Variants in IQSEC1 observed in about 807,000 individuals in gnomAD.
IQSEC1 encodes IQ motif and SEC7 domain-containing protein 1.
Under a neutral mutation model 91.0 loss-of-function variants are expected in IQSEC1, and 31 were observed. That is an observed-to-expected ratio of 0.34 (90% CI 0.26 to 0.46). The LOEUF (loss-of-function observed/expected upper bound fraction) is 0.46, where lower values mean the gene tolerates loss of function less well. Ranked by LOEUF, IQSEC1 falls within the 20% of genes least tolerant of loss-of-function variation. The probability of loss-of-function intolerance (pLI) is 1.00; values close to 1 mark genes in which losing one functional copy is unlikely to be tolerated. For missense variants in IQSEC1, 1,388 were observed against 1,575.6 expected (o/e 0.88, Z 2.02); for synonymous variants, 699 against 662.6 (o/e 1.05, Z -0.84).
intron 1 of IQSEC1, among the ~76,000 whole-genome samples, chr3:13,068,312 C>T (rs1011523344): frequency 1.7e-4 from 26 of 152,250 alleles, no homozygotes; most frequent in African/African-American, 5.8e-4. Flanking sequence ...CCAGCAACTA[C>T]CAGAAAAGTC....
At chr3:13,180,935 T>G (rs1693831250) in intron 1 of IQSEC1, among the ~76,000 whole-genome samples, 1 of 152,166 alleles carries the variant, frequency 6.6e-6, no homozygotes, top group South Asian at 2.1e-4. Context: ...GCTTCATTCT[T>G]GAAGTCAGTG....
intron 1 of IQSEC1, among the ~76,000 whole-genome samples, chr3:13,168,702 GCA>G (rs1214002312): frequency 6.6e-6 from 1 of 152,150 alleles, no homozygotes; most frequent in African/African-American, 2.4e-5. Flanking sequence ...CAGCTCTAGG[GCA>G]TTGCTGTTCC....
At chr3:12,920,396 A>G (rs765114516) in intron 6 of IQSEC1, 34 bp downstream of exon 6, 2 of 1,607,848 alleles carry the variant, frequency 1.2e-6, no homozygotes, top group South Asian at 2.2e-5. Flanking sequence ...GCTGGAGCAA[A>G]TCTGTGGCTG....
intron 8 of IQSEC1, among the ~76,000 whole-genome samples, chr3:12,914,715 A>G (rs1695904274): frequency 6.6e-6 from 1 of 152,110 alleles, no homozygotes; most frequent in Non-Finnish European, 1.5e-5. Context: ...AAGCTATGGC[A>G]GAGGACGGGT....
At chr3:13,130,341 C>CAAAAAAAAAAA (rs58162524) in intron 2 of IQSEC1, among the ~76,000 whole-genome samples, 2 of 61,868 alleles carry the variant, frequency 3.2e-5, no homozygotes, top group Non-Finnish European at 8.1e-5. Flanking sequence ...GAGACTCTGT[C>CAAAAAAAAAAA]AAAAAAAAAA....
At chr3:12,969,267 G>T (rs1440030136) in intron 1 of IQSEC1, among the ~76,000 whole-genome samples, 1 of 148,304 alleles carries the variant, frequency 6.7e-6, no homozygotes, top group Non-Finnish European at 1.5e-5. Context: ...AACAGGCAAG[G>T]TATCTGAGTA....
At chr3:13,030,393 C>T (rs1703800453) in intron 1 of IQSEC1, among the ~76,000 whole-genome samples, 1 of 152,268 alleles carries the variant, frequency 6.6e-6, no homozygotes, top group Non-Finnish European at 1.5e-5. Context: ...AGCCACCACG[C>T]TCAGCTTCGC....
At chr3:13,200,872 C>A (rs1694231481) in intron 1 of IQSEC1, among the ~76,000 whole-genome samples, 1 of 152,178 alleles carries the variant, frequency 6.6e-6, no homozygotes, top group Non-Finnish European at 1.5e-5. Flanking sequence ...ATGATAATTT[C>A]TTGGGACGAT....
At chr3:13,117,824 G>A (rs1460207564) in intron 2 of IQSEC1, among the ~76,000 whole-genome samples, 1 of 152,174 alleles carries the variant, frequency 6.6e-6, no homozygotes, top group South Asian at 2.1e-4. Context: ...GGCAGAGGTT[G>A]CAGTGAGCCA....
At chr3:12,918,733 G>A (rs1575900954) in intron 6 of IQSEC1, among the ~76,000 whole-genome samples, 3 of 152,122 alleles carry the variant, frequency 2.0e-5, no homozygotes, top group East Asian at 1.9e-4. Context: ...GAGGCAGGAG[G>A]ATCTCTTGAG....
At chr3:12,916,801 C>T (rs923441767) in intron 6 of IQSEC1, among the ~76,000 whole-genome samples, 1 of 152,242 alleles carries the variant, frequency 6.6e-6, no homozygotes. Context: ...GCACGACAGA[C>T]TACTTACTAC....
rs550254734 is a variant in IQSEC1, at chr3:12,899,646, A to T, written c.*1337T>A. The T allele has an allele frequency of 1.0e-6, 1 of 985,010 alleles. No homozygotes were observed. The highest frequency in any genetic ancestry group is 4.7e-5 in the South Asian group (1 of 21,284). The allele number at this position is 985,010 out of a possible 1,614,324, so 61.0% of individuals were successfully genotyped here. A position where few individuals can be genotyped will look rare whatever the true frequency, so the allele number is the denominator to read the frequency against. The stretch of plus-strand genomic sequence containing the variant: ...GTCACACGGGCCACGGTGAGGACAC[A>T]GGGGTTCTGCTAGCACATGGCTACA... On this transcript the variant is annotated 3_prime_UTR_variant, in exon 14 of 14. Transcript: ENST00000613206.
chr3:12,909,176 T>C lies in IQSEC1; in HGVS notation c.2578+97A>G, dbSNP rs1695319505. The C allele has an allele frequency of 7.7e-7, 1 of 1,294,202 alleles. No homozygotes were observed. The highest frequency in any genetic ancestry group is 1.1e-6 in the Non-Finnish European group (1 of 916,586). 80.2% of individuals were successfully genotyped at this position (1,294,202 alleles called of 1,614,324 possible). A position where few individuals can be genotyped will look rare whatever the true frequency, so the allele number is the denominator to read the frequency against. On this transcript the variant is annotated intron_variant, in intron 11 of 13. Transcript: ENST00000613206. This position sits in a 1 kb window ranked among gnomAD's most constrained non-coding sequence, Gnocchi z 4.9. ...GGCCAGAAAAGACTGGGGGACATCT[T>C]GTCTCTGTGAGCTCAGAAGTCACTG...
At chr3:12,941,457 C>G in intron 2 of IQSEC1, 114 bp downstream of exon 2, 1 of 1,087,874 alleles carries the variant, frequency 9.2e-7, no homozygotes, top group Non-Finnish European at 1.3e-6. Context: ...AGCCCACATG[C>G]ACCCCAACTC....
rs184106699 is a variant in IQSEC1 at position 12,939,048 on chromosome 3, T to G, written c.319-2351A>C. On this transcript the variant is annotated intron_variant, in intron 2 of 13. Transcript: ENST00000613206. ...CCCAGTGGATGAGATTCTACTAACATGTGCTCATCTACTATGTGTGCTGGG... is the reference window on the plus strand; with the variant it reads ...CCCAGTGGATGAGATTCTACTAACAGGTGCTCATCTACTATGTGTGCTGGG... Among the ~76,000 whole-genome samples the G allele has an allele frequency of 1.7e-3, 255 of 152,298 alleles. 1 individual carries two copies. The highest frequency in any genetic ancestry group is 3.4e-3 in the Middle Eastern group (1 of 294).
chr3:13,155,259 G>A (rs987566341), intron 2 of IQSEC1, among the ~76,000 whole-genome samples: 1 of 152,056 alleles, frequency 6.6e-6, no homozygotes, highest in African/African-American at 2.4e-5. Flanking sequence ...GATTGACCAA[G>A]AATAAAAAGA....
intron 2 of IQSEC1, among the ~76,000 whole-genome samples, chr3:13,162,960 C>A (rs1250744883): frequency 6.6e-6 from 1 of 152,024 alleles, no homozygotes; most frequent in Non-Finnish European, 1.5e-5. Flanking sequence ...CCCAGCTAGT[C>A]CCCTCACCTG....
At chr3:13,044,323 C>G (rs1046678091) in intron 1 of IQSEC1, among the ~76,000 whole-genome samples, 2 of 152,170 alleles carry the variant, frequency 1.3e-5, no homozygotes, top group African/African-American at 4.8e-5. Context: ...AAACACCTTA[C>G]CATGCACAGG....
At chr3:12,977,844 T>A (rs776054876) in intron 1 of IQSEC1, among the ~76,000 whole-genome samples, 8 of 152,328 alleles carry the variant, frequency 5.3e-5, no homozygotes, top group Admixed American at 1.3e-4. Flanking sequence ...TTTGTCCCAG[T>A]GGAAGGAAGA....
Sources: gnomAD v4.1 joint callset for allele counts (sites outside exome capture counted in the v4.1 genomes callset) on GRCh38, gnomAD v4.1.1 for gene constraint, Gnocchi (gnomAD v3.1) non-coding constraint, MANE v1.5 for transcripts, NCBI Gene and HGNC (gene_info 2026-07-23, HGNC 2026-07-21) for gene names.